Variants in RANBP2 observed in about 807,000 individuals in gnomAD.
RANBP2 encodes the protein E3 SUMO-protein ligase RanBP2.
RANBP2 carries 57 observed loss-of-function variants against 303.6 expected under a neutral mutation model. The ratio of observed to expected loss-of-function variants is 0.19; its 90% confidence interval spans 0.15 to 0.23. The LOEUF is 0.23. Among genes scored for constraint, RANBP2 ranks in the 10% least tolerant of loss-of-function variants. The probability of loss-of-function intolerance (pLI) is 1.00; values close to 1 mark genes in which losing one functional copy is unlikely to be tolerated. For synonymous variants in RANBP2, 1,167 were observed against 1,301.5 expected, an observed-to-expected ratio of 0.90 and a Z score of 2.23; for missense variants, 3,138 against 3,780.8, an observed-to-expected ratio of 0.83 and a Z score of 4.46.
At chr2:109,056,189 G>T in the RANBP2 span, among the ~76,000 whole-genome samples, 1 of 152,034 alleles carries the variant, frequency 6.6e-6, no homozygotes, top group Admixed American at 6.6e-5. Flanking sequence ...TCTTGCTCTG[G>T]GTCTTGTTCT....
At chr2:109,250,453 C>G in the RANBP2 span, among the ~76,000 whole-genome samples, 6 of 151,596 alleles carry the variant, frequency 4.0e-5, no homozygotes, top group Admixed American at 3.9e-4. Context: ...TTGATATACT[C>G]GGAAAACTTA....
At chr2:108,935,212 T>G in the RANBP2 span, among the ~76,000 whole-genome samples, 1 of 152,174 alleles carries the variant, frequency 6.6e-6, no homozygotes, top group Non-Finnish European at 1.5e-5. Flanking sequence ...CCTTCCTCAA[T>G]TCCCATCTAG....
At chr2:109,739,335 T>C in the RANBP2 span, among the ~76,000 whole-genome samples, 1 of 146,184 alleles carries the variant, frequency 6.8e-6, no homozygotes, top group African/African-American at 2.6e-5. Flanking sequence ...TTGGGTAGTA[T>C]GGACATTTTA....
the RANBP2 span, among the ~76,000 whole-genome samples, chr2:109,583,643 T>A: frequency 1.6e-3 from 242 of 152,264 alleles, no homozygotes; most frequent in African/African-American, 5.6e-3. Flanking sequence ...TTGGAATATA[T>A]CCAAAAGAAA....
the RANBP2 span, among the ~76,000 whole-genome samples, chr2:108,959,585 AG>A: frequency 1.3e-5 from 2 of 152,134 alleles, no homozygotes; most frequent in Admixed American, 6.5e-5. Flanking sequence ...CATGGGGCTG[AG>A]GGGAGCTGGG....
At chr2:108,907,943 T>G in the RANBP2 span, 1 of 1,613,642 alleles carries the variant, frequency 6.2e-7, no homozygotes, top group Non-Finnish European at 8.5e-7. Flanking sequence ...GAGCCCTGCT[T>G]GTCAGGGGCG....
chr2:108,727,375 C>G (rs1321258841), intron 1 of RANBP2, among the ~76,000 whole-genome samples: 2 of 152,118 alleles, frequency 1.3e-5, no homozygotes, highest in Non-Finnish European at 2.9e-5. Flanking sequence ...CCCCAAACTG[C>G]AAAAGTTACA....
At chr2:109,560,579 C>G in the RANBP2 span, among the ~76,000 whole-genome samples, 1 of 152,116 alleles carries the variant, frequency 6.6e-6, no homozygotes, top group African/African-American at 2.4e-5. Flanking sequence ...ATTTCTTTGG[C>G]CCATTGCTTT....
chr2:109,602,705 C>T, the RANBP2 span, among the ~76,000 whole-genome samples: 5 of 145,606 alleles, frequency 3.4e-5, no homozygotes, highest in Non-Finnish European at 7.5e-5. Context: ...AAAAGGATTA[C>T]TAGATGGCTC....
the RANBP2 span, among the ~76,000 whole-genome samples, chr2:109,581,989 C>T: frequency 6.6e-6 from 1 of 151,836 alleles, no homozygotes; most frequent in Admixed American, 6.6e-5. Context: ...AGATGCAAAA[C>T]CAATGTACAA....
the RANBP2 span, among the ~76,000 whole-genome samples, chr2:108,857,396 T>C: frequency 6.6e-6 from 1 of 152,118 alleles, no homozygotes; most frequent in Non-Finnish European, 1.5e-5. Flanking sequence ...CTTAAAAATA[T>C]TTTTGATGCT....
At chr2:108,916,746 A>G in the RANBP2 span, among the ~76,000 whole-genome samples, 1 of 152,092 alleles carries the variant, frequency 6.6e-6, no homozygotes, top group African/African-American at 2.4e-5. Flanking sequence ...GGACCCTGAC[A>G]TTTCTCCAGA....
chr2:109,692,783 G>A, the RANBP2 span, among the ~76,000 whole-genome samples: 2 of 151,556 alleles, frequency 1.3e-5, no homozygotes, highest in African/African-American at 2.4e-5. Flanking sequence ...TCTTTTAACC[G>A]TCACTCATTC....
chr2:109,118,410 G>C, the RANBP2 span, among the ~76,000 whole-genome samples: 3 of 151,782 alleles, frequency 2.0e-5, no homozygotes, highest in African/African-American at 7.3e-5. Flanking sequence ...TTAGCTGCGG[G>C]GGTCTGCCTG....
At chr2:109,587,041 A>G in the RANBP2 span, among the ~76,000 whole-genome samples, 1 of 152,234 alleles carries the variant, frequency 6.6e-6, no homozygotes, top group Non-Finnish European at 1.5e-5. Context: ...AAAGAAAGTC[A>G]ACAGAAAGAG....
chr2:109,115,848 T>G, the RANBP2 span, among the ~76,000 whole-genome samples: 1 of 152,190 alleles, frequency 6.6e-6, no homozygotes, highest in South Asian at 2.1e-4. Context: ...TCTCTCAGCA[T>G]TTGCTTGTCT....
the RANBP2 span, among the ~76,000 whole-genome samples, chr2:109,725,094 C>G: frequency 5.1e-3 from 781 of 152,292 alleles, 4 homozygotes; most frequent in Middle Eastern, 0.027. Flanking sequence ...TGCCAGGCTG[C>G]TCTAGATACT....
chr2:108,954,706 C>T, the RANBP2 span, among the ~76,000 whole-genome samples: 84,927 of 151,052 alleles, frequency 0.56, 30,328 homozygotes, highest in Non-Finnish European at 0.8. Context: ...GACAGAGTCT[C>T]GCTCTATTGA....
At chr2:109,599,501 G>T in the RANBP2 span, among the ~76,000 whole-genome samples, 2 of 151,262 alleles carry the variant, frequency 1.3e-5, no homozygotes, top group African/African-American at 4.9e-5. Flanking sequence ...ATTACCAAGA[G>T]TGAGCAAGAT....
Sources: gnomAD v4.1 joint callset for allele counts (sites outside exome capture counted in the v4.1 genomes callset) on GRCh38, gnomAD v4.1.1 for gene constraint, MANE v1.5 for transcripts, NCBI Gene and HGNC (gene_info 2026-07-23, HGNC 2026-07-21) for gene names.